Variants in KIF13A observed in about 807,000 individuals in gnomAD.
The protein encoded by KIF13A is kinesin family member 13A.
Under a neutral mutation model 212.2 loss-of-function variants are expected in KIF13A, and 79 were observed. That is an observed-to-expected ratio of 0.37 (90% confidence interval 0.31 to 0.45). The LOEUF (loss-of-function observed/expected upper bound fraction) is 0.45, where lower values mean the gene tolerates loss of function less well. KIF13A is among the 20% of genes least tolerant of loss of function. The probability of loss-of-function intolerance (pLI) is 1.00; values close to 1 mark genes in which losing one functional copy is unlikely to be tolerated. For missense variants in KIF13A, 1,901 were observed against 2,209.0 expected (o/e 0.86, Z 2.79); for synonymous variants, 789 against 808.6 (o/e 0.98, Z 0.41).
chr6:17,803,563 A>G (rs1287547458), intron 20 of KIF13A, among the ~76,000 whole-genome samples: 1 of 152,196 alleles, frequency 6.6e-6, no homozygotes, highest in Non-Finnish European at 1.5e-5. Flanking sequence ...CTAGGCCACT[A>G]TATCTAAATA....
intron 25 of KIF13A, among the ~76,000 whole-genome samples, chr6:17,792,080 G>A (rs757567927): frequency 8.7e-5 from 13 of 149,214 alleles, no homozygotes; most frequent in African/African-American, 2.0e-4. Context: ...GCAGGTGCCC[G>A]TAATCCCAGC....
Position 17,951,121 on chromosome 6 carries a change from TG to T in KIF13A, c.146+35932del, listed in dbSNP as rs1777808577. 1 of 1,184,514 alleles carries T rather than the reference TG, an allele frequency of 8.4e-7. No homozygotes were observed. Among genetic ancestry groups the T allele is most frequent in the Admixed American group, 4.4e-5 (1 of 22,492 alleles). 73.4% of individuals were successfully genotyped at this position (1,184,514 alleles called of 1,614,324 possible). On this transcript the variant is annotated intron_variant, in intron 2 of 38. Coordinates refer to ENST00000259711, the MANE Select transcript of KIF13A (RefSeq NM_022113.6). The surrounding 1 kb of genome is among the most constrained non-coding windows in gnomAD (Gnocchi z 4.9). The stretch of plus-strand genomic sequence containing the variant: ...TTTGCCAACCATCCATTTATTCATA[TG>T]TGGGGTCTGATGCAATTCACCTCAC...
intron 2 of KIF13A, among the ~76,000 whole-genome samples, chr6:17,964,594 G>A (rs1779131429): frequency 6.6e-6 from 1 of 152,182 alleles, no homozygotes; most frequent in Non-Finnish European, 1.5e-5. Flanking sequence ...GAGGAAGAAA[G>A]TGTAGGTGGA....
chr6:17,982,419 G>A lies in KIF13A; in HGVS notation c.146+4635C>T. On this transcript the variant is annotated intron_variant, in intron 2 of 38. Coordinates refer to ENST00000259711, the MANE Select transcript of KIF13A (RefSeq NM_022113.6). This position sits in a 1 kb window ranked among gnomAD's most constrained non-coding sequence, Gnocchi z 5.1. ...GGCCCCCAGGATTTGGAGCATTTTA[G>A]ATTTCAGATGTTCAGACAGGGATAC... 2 of 984,476 alleles carry A rather than the reference G, an allele frequency of 2.0e-6. No homozygotes were observed. Among genetic ancestry groups the A allele is most frequent in the South Asian group, 4.7e-5 (1 of 21,254 alleles). The allele number at this position is 984,476 out of a possible 1,614,324, so 61.0% of individuals were successfully genotyped here.
intron 4 of KIF13A, among the ~76,000 whole-genome samples, chr6:17,866,306 A>ATTT (rs1769366032): frequency 1.3e-5 from 2 of 152,124 alleles, no homozygotes; most frequent in South Asian, 4.2e-4. Flanking sequence ...TTCTGACAGG[A>ATTT]GTGAGGGTAA....
chr6:17,840,704 A>G lies in KIF13A; in HGVS notation c.831-3121T>C, dbSNP rs200990421. On this transcript the variant is annotated intron_variant, in intron 9 of 38. Coordinates refer to ENST00000259711, the MANE Select transcript of KIF13A (RefSeq NM_022113.6). ...AAGTTTCTAGTACTCCTAAATGTAG[A>G]AACATAAAATCCAAATAGCGCTTTG... Among the ~76,000 whole-genome samples the G allele has an allele frequency of 7.9e-5, 12 of 152,330 alleles. No homozygotes were observed. The East Asian group carries it at 2.1e-3, about 27-fold the overall frequency.
intron 23 of KIF13A, 68 bp downstream of exon 23, chr6:17,796,601 T>C (rs927814495): frequency 5.0e-5 from 52 of 1,049,164 alleles, no homozygotes; most frequent in Admixed American, 9.3e-5. Flanking sequence ...TAGGCCAGAG[T>C]AGGTTCAGAG....
In KIF13A at chr6:17,899,895, T is replaced by C. The variant is rs781546742; in HGVS notation, c.147-1715A>G. On this transcript the variant is annotated intron_variant, in intron 2 of 38. Coordinates refer to ENST00000259711, the MANE Select transcript of KIF13A (RefSeq NM_022113.6). The surrounding 1 kb of genome is among the most constrained non-coding windows in gnomAD (Gnocchi z 5.2). ...TCCATTCTGTACAAAAAACTTGAGA[T>C]TTCTGCCATGAAAATTTCCTTAAGT... 6.6e-6 allele frequency among the ~76,000 whole-genome samples: 1 copy of C among 152,178 alleles called. No individual in the cohort carries two copies. The highest frequency in any genetic ancestry group is 1.5e-5 in the Non-Finnish European group (1 of 68,028).
intron 2 of KIF13A, among the ~76,000 whole-genome samples, chr6:17,976,151 G>A (rs935153375): frequency 1.3e-5 from 2 of 152,248 alleles, no homozygotes; most frequent in Non-Finnish European, 2.9e-5. Context: ...CCCGCACCGG[G>A]GCTGCAGGTG....
At position 17,915,950 on chromosome 6, in the gene KIF13A, AAAATAAAAAT is replaced by A. The variant is rs1280407022; in HGVS notation, c.147-17780_147-17771del. ...AGAGCCAGTCTCAAAAAAAAAAATA[AAAATAAAAAT>A]AAAATAAAATAAAATAAATTACAGT... On this transcript the variant is annotated intron_variant, in intron 2 of 38. Coordinates refer to ENST00000259711, the MANE Select transcript of KIF13A (RefSeq NM_022113.6). The surrounding 1 kb of genome is among the most constrained non-coding windows in gnomAD (Gnocchi z 4.4). Among the ~76,000 whole-genome samples the A allele has an allele frequency of 0.014, 1,856 of 132,178 alleles. 28 individuals carry two copies. The highest frequency in any genetic ancestry group is 0.079 in the East Asian group (334 of 4,236). The allele number at this position is 132,178 out of a possible 152,430, so 86.7% of individuals were successfully genotyped here.
chr6:17,853,548 TGCTTTC>T (rs1767859870), intron 6 of KIF13A, among the ~76,000 whole-genome samples: 1 of 152,168 alleles, frequency 6.6e-6, no homozygotes, highest in African/African-American at 2.4e-5. Flanking sequence ...TGTATAACAA[TGCTTTC>T]AGAGCAGCAC....
intron 3 of KIF13A, among the ~76,000 whole-genome samples, chr6:17,877,280 T>G (rs1300194281): frequency 5.3e-5 from 8 of 152,162 alleles, no homozygotes; most frequent in Admixed American, 5.2e-4. Context: ...AGATCCAAAT[T>G]CAATTTTGTT....
At position 17,898,031 on chromosome 6, in the gene KIF13A, T is replaced by C; in HGVS notation, c.159+137A>G. 1.4e-6 allele frequency: 1 copy of C among 709,896 alleles called. No homozygotes were observed. Among genetic ancestry groups the C allele is most frequent in the Non-Finnish European group, 2.3e-6 (1 of 428,404 alleles). The allele number at this position is 709,896 out of a possible 1,614,324, so 44.0% of individuals were successfully genotyped here. A position where few individuals can be genotyped will look rare whatever the true frequency, so the allele number is the denominator to read the frequency against. ...TTTATGTTAACACTGATATTAATTG[T>C]TCATGATGTGAGTTTTAAATTAGGA... On this transcript the variant is annotated intron_variant, in intron 3 of 38. Coordinates refer to ENST00000259711, the MANE Select transcript of KIF13A (RefSeq NM_022113.6). This position sits in a 1 kb window ranked among gnomAD's most constrained non-coding sequence, Gnocchi z 5.2.
At chr6:17,970,233 A>T (rs1779695128) in intron 2 of KIF13A, among the ~76,000 whole-genome samples, 1 of 152,096 alleles carries the variant, frequency 6.6e-6, no homozygotes, top group Admixed American at 6.5e-5. Flanking sequence ...TGTTTTCTTA[A>T]ATAAGGGATT....
chr6:17,817,893 C>T (rs1232153541), intron 16 of KIF13A, among the ~76,000 whole-genome samples: 2 of 152,206 alleles, frequency 1.3e-5, no homozygotes, highest in Non-Finnish European at 2.9e-5. Context: ...CCACCATGCA[C>T]ATGGGTGAAA....
intron 3 of KIF13A, among the ~76,000 whole-genome samples, chr6:17,876,400 T>A (rs1770560191): frequency 6.6e-6 from 1 of 152,142 alleles, no homozygotes; most frequent in Non-Finnish European, 1.5e-5. Context: ...TAATTTCATC[T>A]CTGTCCTTGT....
At chr6:17,980,727 T>C (rs1780992222) in intron 2 of KIF13A, among the ~76,000 whole-genome samples, 1 of 152,196 alleles carries the variant, frequency 6.6e-6, no homozygotes. Flanking sequence ...AAAAGTTTTG[T>C]ATGACAAGAA....
intron 2 of KIF13A, among the ~76,000 whole-genome samples, chr6:17,975,638 C>T (rs578059566): frequency 6.0e-4 from 91 of 152,294 alleles, no homozygotes; most frequent in Admixed American, 3.8e-3. Flanking sequence ...TGGCCCCACC[C>T]GCATCCTGCT....
chr6:17,880,786 A>G (rs190409308), intron 3 of KIF13A, among the ~76,000 whole-genome samples: 1 of 152,142 alleles, frequency 6.6e-6, no homozygotes, highest in Admixed American at 6.5e-5. Context: ...ATACTTGTCT[A>G]ATTTTGCTGT....
Sources: gnomAD v4.1 joint callset for allele counts (sites outside exome capture counted in the v4.1 genomes callset) on GRCh38, gnomAD v4.1.1 for gene constraint, Gnocchi (gnomAD v3.1) non-coding constraint, MANE v1.5 for transcripts, NCBI Gene and HGNC (gene_info 2026-07-23, HGNC 2026-07-21) for gene names.